Variants in MAF observed in about 807,000 individuals in gnomAD.
MAF encodes the protein transcription factor Maf.
MAF carries 10 observed loss-of-function variants against 22.0 expected under a neutral mutation model. The ratio of observed to expected loss-of-function variants is 0.45; its 90% CI spans 0.28 to 0.77. MAF has a LOEUF of 0.77. Among genes scored for constraint, MAF ranks in the 30% least tolerant of loss-of-function variants. The probability of loss-of-function intolerance (pLI) is 0.12; values close to 1 mark genes in which losing one functional copy is unlikely to be tolerated. For synonymous variants in MAF, 337 were observed against 255.8 expected (o/e 1.32, Z -3.03); for missense variants, 544 against 548.4 (o/e 0.99, Z 0.08).
the MAF span, among the ~76,000 whole-genome samples, chr16:79,501,387 A>G: frequency 6.6e-6 from 1 of 152,120 alleles, no homozygotes; most frequent in African/African-American, 2.4e-5. Context: ...TTATTTCCAA[A>G]TAAGTTCACA....
intron 1 of MAF, chr16:79,598,273 A>G (rs1913689833): frequency 5.6e-6 from 6 of 1,071,080 alleles, no homozygotes; most frequent in Non-Finnish European, 5.7e-6. Flanking sequence ...TTAAAAAAAA[A>G]AATCCAAACA....
the MAF span, among the ~76,000 whole-genome samples, chr16:79,308,084 G>T: frequency 2.0e-5 from 3 of 152,188 alleles, no homozygotes; most frequent in Non-Finnish European, 4.4e-5. Context: ...CAGAGCCTTG[G>T]GAAGGGTCAG....
the MAF span, among the ~76,000 whole-genome samples, chr16:79,519,430 G>A: frequency 1.1e-4 from 16 of 151,996 alleles, no homozygotes; most frequent in Admixed American, 2.0e-4. Flanking sequence ...AGAATGCTAC[G>A]GGGAGTCTCT....
the MAF span, among the ~76,000 whole-genome samples, chr16:79,427,283 C>A: frequency 6.6e-6 from 1 of 152,190 alleles, no homozygotes; most frequent in Non-Finnish European, 1.5e-5. Context: ...TGGTTCAGAT[C>A]GCTTAGGGGT....
At chr16:79,429,558 T>C in the MAF span, among the ~76,000 whole-genome samples, 2 of 152,168 alleles carry the variant, frequency 1.3e-5, no homozygotes, top group Admixed American at 1.3e-4. Flanking sequence ...GCTGGCTCTT[T>C]ACAGTTGACG....
the MAF span, among the ~76,000 whole-genome samples, chr16:79,437,478 G>A: frequency 7.9e-5 from 12 of 152,090 alleles, no homozygotes; most frequent in Admixed American, 2.0e-4. Context: ...CATTAAAGTC[G>A]GGCTGATGGG....
At chr16:79,580,942 T>C (rs1459418164), downstream of MAF, among the ~76,000 whole-genome samples, 1 of 152,088 alleles carries the variant, frequency 6.6e-6, no homozygotes, top group Non-Finnish European at 1.5e-5. Flanking sequence ...GAGCAAAGAA[T>C]GAGAAAGCAG....
At chr16:79,514,504 A>G in the MAF span, among the ~76,000 whole-genome samples, 1 of 152,172 alleles carries the variant, frequency 6.6e-6, no homozygotes, top group East Asian at 1.9e-4. Context: ...AGAATTGAAG[A>G]CTGTATCAGC....
chr16:79,522,108 G>A, the MAF span, among the ~76,000 whole-genome samples: 1 of 152,134 alleles, frequency 6.6e-6, no homozygotes, highest in African/African-American at 2.4e-5. Flanking sequence ...GCATCCTGGG[G>A]TGGACAGAGA....
the MAF span, among the ~76,000 whole-genome samples, chr16:79,236,412 T>A: frequency 1.3e-5 from 2 of 152,104 alleles, no homozygotes; most frequent in East Asian, 3.9e-4. Flanking sequence ...TCCAGTTGAT[T>A]CCTTGGGGAA....
chr16:79,265,217 T>A, the MAF span, among the ~76,000 whole-genome samples: 2 of 152,204 alleles, frequency 1.3e-5, no homozygotes, highest in Non-Finnish European at 2.9e-5. Flanking sequence ...TTCCCCCTGT[T>A]TAATCTAAAT....
chr16:79,212,328 C>G, the MAF span: 1 of 754,352 alleles, frequency 1.3e-6, no homozygotes, highest in Non-Finnish European at 2.0e-6. Context: ...AGAACCTTGT[C>G]CCAGCCAGTG....
the MAF span, among the ~76,000 whole-genome samples, chr16:79,343,798 T>A: frequency 6.6e-6 from 1 of 152,126 alleles, no homozygotes; most frequent in Admixed American, 6.5e-5. Context: ...GGTCTGAAAA[T>A]TTCTAAATGG....
the MAF span, among the ~76,000 whole-genome samples, chr16:79,496,822 A>C: frequency 1.1e-4 from 17 of 152,292 alleles, no homozygotes; most frequent in East Asian, 3.9e-4. Flanking sequence ...CATCTCTATA[A>C]CAAAGTAGGT....
chr16:79,481,063 G>A, the MAF span, among the ~76,000 whole-genome samples: 2 of 152,090 alleles, frequency 1.3e-5, no homozygotes, highest in Non-Finnish European at 2.9e-5. Flanking sequence ...CTTAGTATCA[G>A]TCCTAACCAC....
the MAF span, among the ~76,000 whole-genome samples, chr16:79,396,844 G>A: frequency 1.3e-5 from 2 of 152,286 alleles, no homozygotes; most frequent in Admixed American, 1.3e-4. Flanking sequence ...CCGAACTTAG[G>A]AAACACTGGC....
At chr16:79,330,989 A>T in the MAF span, among the ~76,000 whole-genome samples, 2 of 152,220 alleles carry the variant, frequency 1.3e-5, no homozygotes, top group Non-Finnish European at 2.9e-5. Flanking sequence ...CAATGGTAAG[A>T]AGCCATGTAA....
Position 79,594,312 on chromosome 16 carries a change from AC to A in MAF, c.*147del. ...AACCCCCAGACAAGAGGCATAGTTAACTACTACATTTAATAGCCTTCTTCTC... is the reference window on the plus strand; with the variant it reads ...AACCCCCAGACAAGAGGCATAGTTAATACTACATTTAATAGCCTTCTTCTC... On this transcript the variant is annotated 3_prime_UTR_variant, in exon 2 of 2. Coordinates refer to ENST00000326043, the MANE Select transcript of MAF (RefSeq NM_005360.5). 3.9e-6 allele frequency: 3 copies of A among 764,516 alleles called. No homozygotes were observed. The highest frequency in any genetic ancestry group is 6.6e-6 in the Non-Finnish European group (3 of 455,684). The allele number at this position is 764,516 out of a possible 1,614,324, so 47.4% of individuals were successfully genotyped here.
the MAF span, among the ~76,000 whole-genome samples, chr16:79,373,710 G>C: frequency 1.3e-5 from 2 of 152,004 alleles, no homozygotes; most frequent in East Asian, 1.9e-4. Flanking sequence ...AGAGAGACTT[G>C]AACTAGCACA....
Sources: gnomAD v4.1 joint callset for allele counts (sites outside exome capture counted in the v4.1 genomes callset) on GRCh38, gnomAD v4.1.1 for gene constraint, MANE v1.5 for transcripts, NCBI Gene and HGNC (gene_info 2026-07-23, HGNC 2026-07-21) for gene names.